Variants in EXOC6 observed in about 807,000 individuals in gnomAD.
The protein encoded by EXOC6 is exocyst complex component 6, also known as SEC15-like 1.
A neutral mutation model predicts 112.5 loss-of-function variants in EXOC6; 60 were observed. The observed-to-expected ratio is 0.53, with a 90% CI of 0.43 to 0.66. The LOEUF (loss-of-function observed/expected upper bound fraction) is 0.66, where lower values mean the gene tolerates loss of function less well. Among genes scored for constraint, EXOC6 ranks in the 30% least tolerant of loss-of-function variants. EXOC6 has a pLI of 0.00. For synonymous variants in EXOC6, 295 were observed against 308.0 expected (o/e 0.96, Z 0.44); for missense variants, 855 against 957.1 (o/e 0.89, Z 1.41).
intron 19 of EXOC6, among the ~76,000 whole-genome samples, chr10:93,007,626 C>G (rs990022176): frequency 2.6e-5 from 4 of 152,194 alleles, no homozygotes; most frequent in Non-Finnish European, 5.9e-5. Flanking sequence ...GCACTCCAGG[C>G]TGGACAGCAG....
chr10:92,909,508 C>T lies in EXOC6; in HGVS notation c.540C>T (p.Leu180=), dbSNP rs139919517. 3.1e-6 allele frequency: 5 copies of T among 1,613,294 alleles called. No homozygotes were observed. The African/African-American group carries it at 5.3e-5, about 17-fold the overall frequency. ...PWVSQYRFCQ[L]MIENLPKLRE... ...TTAGTCAATACCGGTTTTGTCAGCT[C>T]ATGATAGAAAATCTTCCCAAACTCC... is the stretch of plus-strand genomic sequence containing the variant. Residue 180 remains leucine, a synonymous_variant, in exon 6 of 22, where the codon CTC becomes CTT. Coordinates refer to ENST00000260762, the MANE Select transcript of EXOC6 (RefSeq NM_019053.6).
At chr10:92,966,281 A>AATTATTATT (rs35262709) in intron 17 of EXOC6, among the ~76,000 whole-genome samples, 2,473 of 134,886 alleles carry the variant, frequency 0.018, 32 homozygotes, top group South Asian at 0.027. Context: ...ATGTAATTAT[A>AATTATTATT]ATTATTATTA....
At position 92,988,800 on chromosome 10, in the gene EXOC6, T is replaced by TACACACACACAC. The variant is rs67242778; in HGVS notation, c.1954-8645_1954-8634dup. Among the ~76,000 whole-genome samples the TACACACACACAC allele has an allele frequency of 1.4e-3, 205 of 143,088 alleles. 2 individuals are homozygous for TACACACACACAC. Among genetic ancestry groups the TACACACACACAC allele is most frequent in the East Asian group, 4.8e-3 (22 of 4,606 alleles). The allele number at this position is 143,088 out of a possible 152,430, so 93.9% of individuals were successfully genotyped here. On this transcript the variant is annotated intron_variant, in intron 18 of 21. Coordinates refer to ENST00000260762, the MANE Select transcript of EXOC6 (RefSeq NM_019053.6). ...GACAAAACCCCATCTCTACAAAAAATACACACACACACACACACACACACA... is the reference window on the plus strand; with the variant it reads ...GACAAAACCCCATCTCTACAAAAAATACACACACACACACACACACACACACACACACACACA...
intron 17 of EXOC6, among the ~76,000 whole-genome samples, chr10:92,961,579 T>C (rs760766714): frequency 3.1e-4 from 47 of 152,132 alleles, no homozygotes; most frequent in Non-Finnish European, 6.0e-4. Flanking sequence ...ACATGCTACT[T>C]TGCCAAAAAC....
At chr10:92,975,935 C>T (rs1175283168) in intron 18 of EXOC6, among the ~76,000 whole-genome samples, 6 of 136,202 alleles carry the variant, frequency 4.4e-5, no homozygotes, top group East Asian at 2.3e-4. Context: ...GTCAGCCCCC[C>T]GCCCGGCCAG....
At chr10:93,040,814 C>A (rs899245924) in intron 20 of EXOC6, among the ~76,000 whole-genome samples, 2 of 152,138 alleles carry the variant, frequency 1.3e-5, no homozygotes, top group African/African-American at 4.8e-5. Context: ...CTTTAAAATT[C>A]TCTCGTCTTC....
chr10:92,886,322 C>A (rs1849213728), intron 1 of EXOC6, among the ~76,000 whole-genome samples: 1 of 152,220 alleles, frequency 6.6e-6, no homozygotes, highest in Non-Finnish European at 1.5e-5. Context: ...TTCTCTACTT[C>A]TTTTTGCTCC....
intron 18 of EXOC6, among the ~76,000 whole-genome samples, chr10:92,996,640 A>T (rs1311225733): frequency 6.6e-6 from 1 of 152,046 alleles, no homozygotes; most frequent in Non-Finnish European, 1.5e-5. Context: ...ACTAAAAGTG[A>T]TGTAGTTTTG....
chr10:92,915,957 T>C, intron 7 of EXOC6, 44 bp downstream of exon 7: 1 of 1,376,406 alleles, frequency 7.3e-7, no homozygotes. Context: ...GATAATTTTT[T>C]TTCTTTTGGA....
chr10:92,998,667 C>T (rs1843608955), intron 19 of EXOC6, among the ~76,000 whole-genome samples: 1 of 149,340 alleles, frequency 6.7e-6, no homozygotes, highest in Admixed American at 6.7e-5. Flanking sequence ...CACACACACT[C>T]CAAAGTTTCT....
chr10:92,899,951 G>T (rs1850068140), intron 5 of EXOC6: 1 of 242,772 alleles, frequency 4.1e-6, no homozygotes. Flanking sequence ...TAAGGGCTAA[G>T]TGCATATTGT....
chr10:92,889,506 T>A (rs112359382), intron 1 of EXOC6, among the ~76,000 whole-genome samples: 2 of 152,322 alleles, frequency 1.3e-5, no homozygotes, highest in African/African-American at 4.8e-5. Flanking sequence ...TCTAGATTCA[T>A]TTCTTTGCAT....
chr10:93,044,884 G>T (rs1434024990), intron 20 of EXOC6, among the ~76,000 whole-genome samples: 2 of 152,058 alleles, frequency 1.3e-5, no homozygotes, highest in African/African-American at 2.4e-5. Flanking sequence ...GTTTGTTTCT[G>T]TTTTTGGAGA....
intron 19 of EXOC6, among the ~76,000 whole-genome samples, chr10:93,010,700 T>TA (rs538429286): frequency 0.038 from 5,018 of 131,686 alleles, 270 homozygotes; most frequent in African/African-American, 0.11. Flanking sequence ...CTCCATCTCT[T>TA]AAAAAAAAAA....
intron 11 of EXOC6, 46 bp downstream of exon 11, chr10:92,934,476 C>T (rs767070726): frequency 1.3e-6 from 2 of 1,488,624 alleles, no homozygotes; most frequent in Non-Finnish European, 1.8e-6. Flanking sequence ...TCAGTTACTT[C>T]AAGAACTTCT....
chr10:92,996,166 C>T lies in EXOC6; in HGVS notation c.1954-1308C>T, dbSNP rs978189010. 2.6e-5 allele frequency among the ~76,000 whole-genome samples: 4 copies of T among 152,110 alleles called. No homozygotes were observed. The East Asian group carries it at 7.7e-4, about 29-fold the overall frequency. On this transcript the variant is annotated intron_variant, in intron 18 of 21. Transcript: ENST00000260762. The stretch of plus-strand genomic sequence containing the variant: ...TTAATGCAAACGAGGCAAAACATGG[C>T]ATGTCTTCCAAAAGTAATTATTTCT...
chr10:92,965,556 G>A (rs1731125973), intron 17 of EXOC6, among the ~76,000 whole-genome samples: 1 of 152,120 alleles, frequency 6.6e-6, no homozygotes, highest in African/African-American at 2.4e-5. Context: ...ATAAGATTGA[G>A]AATATTCTGG....
At chr10:92,988,102 A>G (rs1460460255) in intron 18 of EXOC6, among the ~76,000 whole-genome samples, 1 of 152,100 alleles carries the variant, frequency 6.6e-6, no homozygotes, top group African/African-American at 2.4e-5. Flanking sequence ...TTTCTCTACT[A>G]CCCTGATCCC....
rs2134178614 is a variant in EXOC6 at position 92,997,584 on chromosome 10, G to T, written c.2064G>T (p.Gln688His). ...ELKQISMGAV[Q>H]QFNLDVIQCE... is the part of the protein sequence containing the mutation. ...AACAAATAAGCATGGGAGCTGTTCA[G>T]CAGTTTAACTTAGATGTCATACAGT... Residue 688 changes from glutamine (Q) to histidine (H), a missense_variant, in exon 19 of 22, where the codon CAG becomes CAT. Coordinates refer to ENST00000260762, the MANE Select transcript of EXOC6 (RefSeq NM_019053.6). 6.2e-7 allele frequency: 1 copy of T among 1,612,668 alleles called. No homozygotes were observed. The highest frequency in any genetic ancestry group is 2.2e-5 in the East Asian group (1 of 44,790).
Sources: allele counts gnomAD v4.1 joint callset (sites outside exome capture counted in the v4.1 genomes callset), GRCh38; gene constraint gnomAD v4.1.1; transcripts MANE v1.5; gene names NCBI Gene and HGNC (gene_info 2026-07-23, HGNC 2026-07-21).